The following EFL1 variants were observed in gnomAD, a reference collection of about 807,000 sequenced individuals.
EFL1 encodes elongation factor-like GTPase 1.
Under a neutral mutation model 126.7 loss-of-function variants are expected in EFL1, and 76 were observed. The ratio of observed to expected loss-of-function variants is 0.60; its 90% CI spans 0.50 to 0.73. The LOEUF (loss-of-function observed/expected upper bound fraction) is 0.73, where lower values mean the gene tolerates loss of function less well. Among genes scored for constraint, EFL1 ranks in the 30% least tolerant of loss-of-function variants. The pLI, the probability that EFL1 is intolerant of heterozygous loss-of-function variation, is 0.00. For synonymous variants in EFL1, 410 were observed against 448.4 expected, an observed-to-expected ratio of 0.91 and a Z score of 1.08; for missense variants, 1,128 against 1,343.2, an observed-to-expected ratio of 0.84 and a Z score of 2.50.
chr15:82,147,254 C>T (rs1039873720), intron 18 of EFL1, among the ~76,000 whole-genome samples: 1 of 152,060 alleles, frequency 6.6e-6, no homozygotes, highest in African/African-American at 2.4e-5. Flanking sequence ...CAGGTGCTCC[C>T]ATTATTTTGG....
In EFL1 at chr15:82,130,518, T is replaced by C. The variant is rs1225788256; in HGVS notation, c.3218A>G (p.Glu1073Gly). The C allele has an allele frequency of 6.2e-7, 1 of 1,614,174 alleles. No homozygotes were observed. Among genetic ancestry groups the C allele is most frequent in the East Asian group, 2.2e-5 (1 of 44,884 alleles). Reference protein sequence around the residue: ...DPFWVPTTEEEYLHFGEKADS... With the variant: ...DPFWVPTTEEGYLHFGEKADS... ...AGCCTTCTCCCCAAAGTGCAAGTAT[T>C]CCTCCTCAGTAGTTGGCACCCAGAA... Residue 1073 changes from glutamate (E) to glycine (G), a missense_variant, in exon 20 of 20, where the codon GAA becomes GGA. Coordinates refer to ENST00000268206, the MANE Select transcript of EFL1 (RefSeq NM_024580.6).
At chr15:82,251,010 A>G (rs1223004546) in intron 4 of EFL1, among the ~76,000 whole-genome samples, 1 of 151,964 alleles carries the variant, frequency 6.6e-6, no homozygotes, top group African/African-American at 2.4e-5. Flanking sequence ...TCAGGAGTTC[A>G]AGACCAGCCT....
At chr15:82,232,147 A>G (rs1253052016) in intron 7 of EFL1, among the ~76,000 whole-genome samples, 1 of 152,220 alleles carries the variant, frequency 6.6e-6, no homozygotes, top group East Asian at 1.9e-4. Context: ...GGAGGCAACC[A>G]CTGTGGACTG....
At chr15:82,177,363 G>C (rs2074205537) in intron 15 of EFL1, among the ~76,000 whole-genome samples, 1 of 152,170 alleles carries the variant, frequency 6.6e-6, no homozygotes, top group Non-Finnish European at 1.5e-5. Context: ...TGGCAGCAAA[G>C]GGGAGAGCAC....
chr15:82,187,966 G>A (rs2074319904), intron 15 of EFL1, among the ~76,000 whole-genome samples: 2 of 151,916 alleles, frequency 1.3e-5, no homozygotes, highest in South Asian at 4.2e-4. Context: ...CAGACTTTTA[G>A]GATACTCTGT....
At chr15:82,244,335 G>A (rs1213368905) in intron 4 of EFL1, among the ~76,000 whole-genome samples, 2 of 152,034 alleles carry the variant, frequency 1.3e-5, no homozygotes, top group East Asian at 3.8e-4. Context: ...AGTTATAGGG[G>A]TTTACCATGG....
intron 6 of EFL1, among the ~76,000 whole-genome samples, chr15:82,240,126 A>G (rs1456894522): frequency 6.6e-6 from 1 of 152,240 alleles, no homozygotes; most frequent in African/African-American, 2.4e-5. Flanking sequence ...CAGGTAATAA[A>G]ATACTACAGA....
chr15:82,166,985 C>A (rs2074086140), intron 15 of EFL1, among the ~76,000 whole-genome samples: 1 of 152,056 alleles, frequency 6.6e-6, no homozygotes, highest in Non-Finnish European at 1.5e-5. Flanking sequence ...TTCAGAATTC[C>A]CAGGGTAGGA....
At chr15:82,131,080 A>T (rs998174) in intron 19 of EFL1, among the ~76,000 whole-genome samples, 39,083 of 152,162 alleles carry the variant, frequency 0.26, 6,198 homozygotes, top group Non-Finnish European at 0.36. Context: ...ATTCAACAAA[A>T]CTTGTAACAT....
chr15:82,251,012 G>A (rs1482843666), intron 4 of EFL1, among the ~76,000 whole-genome samples: 8 of 151,950 alleles, frequency 5.3e-5, no homozygotes, highest in African/African-American at 1.9e-4. Context: ...AGGAGTTCAA[G>A]ACCAGCCTGG....
At chr15:82,251,537 C>CA (rs2075021341) in intron 4 of EFL1, among the ~76,000 whole-genome samples, 1 of 152,114 alleles carries the variant, frequency 6.6e-6, no homozygotes, top group Admixed American at 6.6e-5. Context: ...AGGCAGCCTT[C>CA]AAATCTCTTG....
chr15:82,176,098 G>A (rs1456402073), intron 15 of EFL1, among the ~76,000 whole-genome samples: 1 of 152,086 alleles, frequency 6.6e-6, no homozygotes, highest in Non-Finnish European at 1.5e-5. Context: ...AGTACAGTGG[G>A]GATGTGATAA....
chr15:82,231,490 C>T (rs184745186), intron 7 of EFL1, among the ~76,000 whole-genome samples: 3 of 152,204 alleles, frequency 2.0e-5, no homozygotes, highest in East Asian at 3.9e-4. Flanking sequence ...CACTTACCAC[C>T]GTGGTCTCCA....
intron 3 of EFL1, among the ~76,000 whole-genome samples, chr15:82,256,674 A>G (rs2075069411): frequency 1.3e-5 from 2 of 152,190 alleles, no homozygotes; most frequent in Non-Finnish European, 2.9e-5. Flanking sequence ...CTGTAACTAC[A>G]TTGCAAAGAG....
At chr15:82,226,484 A>G (rs949591703) in intron 11 of EFL1, among the ~76,000 whole-genome samples, 2 of 152,206 alleles carry the variant, frequency 1.3e-5, no homozygotes, top group Non-Finnish European at 2.9e-5. Context: ...TATAAGGGCC[A>G]TAGATGACTC....
chr15:82,231,010 G>T, intron 7 of EFL1, 39 bp from the exon 8 acceptor site: 1 of 1,598,108 alleles, frequency 6.3e-7, no homozygotes, highest in Non-Finnish European at 8.5e-7. Flanking sequence ...TAATAACAAC[G>T]ATTATTGATT....
intron 6 of EFL1, 32 bp from the exon 7 acceptor site, chr15:82,238,553 T>C: frequency 3.9e-6 from 6 of 1,523,924 alleles, no homozygotes; most frequent in Non-Finnish European, 5.4e-6. Flanking sequence ...CAGAGCGTCA[T>C]TCAGATGCTC....
chr15:82,166,787 ACT>A (rs1167619383), intron 15 of EFL1, among the ~76,000 whole-genome samples: 1 of 152,292 alleles, frequency 6.6e-6, no homozygotes, highest in East Asian at 1.9e-4. Context: ...CATAATTTAC[ACT>A]GTTGTAATAA....
chr15:82,171,415 G>A (rs982530496), intron 15 of EFL1, among the ~76,000 whole-genome samples: 1 of 152,188 alleles, frequency 6.6e-6, no homozygotes, highest in Non-Finnish European at 1.5e-5. Context: ...AGACCAACAC[G>A]TGTGGGAATG....
Sources: allele counts gnomAD v4.1 joint callset (sites outside exome capture counted in the v4.1 genomes callset), GRCh38; gene constraint gnomAD v4.1.1; transcripts MANE v1.5; gene names NCBI Gene and HGNC (gene_info 2026-07-23, HGNC 2026-07-21).